PTPRD: variants seen among roughly 807,000 people sequenced by gnomAD.
The protein encoded by PTPRD is protein tyrosine phosphatase receptor type D.
Under a neutral mutation model 214.5 loss-of-function variants are expected in PTPRD, and 34 were observed. That is an observed-to-expected ratio of 0.16 (90% CI 0.12 to 0.21). PTPRD has a LOEUF of 0.21. PTPRD is among the 10% of genes least tolerant of loss of function. The probability of loss-of-function intolerance (pLI) is 1.00; values close to 1 mark genes in which losing one functional copy is unlikely to be tolerated. For synonymous variants in PTPRD, 1,128 were observed against 845.7 expected, an observed-to-expected ratio of 1.33 and a Z score of -5.79; for missense variants, 2,545 against 2,398.7, an observed-to-expected ratio of 1.06 and a Z score of -1.27.
At chr9:10,489,456 C>A (rs1439263465) in intron 2 of PTPRD, among the ~76,000 whole-genome samples, 1 of 152,174 alleles carries the variant, frequency 6.6e-6, no homozygotes, top group Non-Finnish European at 1.5e-5. Flanking sequence ...AATCCCTTAG[C>A]TGACCTAACT....
chr9:10,239,609 T>C (rs1425602316), intron 3 of PTPRD, among the ~76,000 whole-genome samples: 1 of 86,122 alleles, frequency 1.2e-5, no homozygotes, highest in East Asian at 4.0e-4. Flanking sequence ...ACAGCTGTGA[T>C]AGCAGAATAA....
At chr9:10,261,610 T>C (rs2093704865) in intron 3 of PTPRD, among the ~76,000 whole-genome samples, 1 of 152,130 alleles carries the variant, frequency 6.6e-6, no homozygotes. Flanking sequence ...AAGACTGTAC[T>C]AGTATATTTA....
chr9:8,499,872 T>C (rs774143831), intron 24 of PTPRD, 32 bp from the exon 25 acceptor site: 1 of 1,570,726 alleles, frequency 6.4e-7, no homozygotes. Context: ...AAAGAAATTA[T>C]AGGCACTTGT....
At chr9:8,792,151 G>T (rs1046428078) in intron 11 of PTPRD, among the ~76,000 whole-genome samples, 4 of 151,564 alleles carry the variant, frequency 2.6e-5, no homozygotes, top group African/African-American at 9.7e-5. Context: ...AGGGTAGATT[G>T]AGGGGATAAT....
At chr9:10,359,052 T>C (rs1189599910) in intron 2 of PTPRD, among the ~76,000 whole-genome samples, 1 of 152,036 alleles carries the variant, frequency 6.6e-6, no homozygotes, top group Non-Finnish European at 1.5e-5. Context: ...ATATTACAAG[T>C]CTAATACCTA....
chr9:8,866,377 C>G (rs1044172421), intron 11 of PTPRD, among the ~76,000 whole-genome samples: 1 of 152,118 alleles, frequency 6.6e-6, no homozygotes. Flanking sequence ...AGTATCTCTA[C>G]TGTTCTCTGG....
At chr9:9,709,764 C>G (rs1480872161) in intron 7 of PTPRD, among the ~76,000 whole-genome samples, 1 of 151,968 alleles carries the variant, frequency 6.6e-6, no homozygotes. Context: ...GACCTAAGTA[C>G]TGTAATCACC....
At chr9:10,416,772 G>A (rs1769782731) in intron 2 of PTPRD, among the ~76,000 whole-genome samples, 1 of 151,784 alleles carries the variant, frequency 6.6e-6, no homozygotes, top group Non-Finnish European at 1.5e-5. Flanking sequence ...AAGTTTGGGG[G>A]ACTGGCTGAA....
intron 10 of PTPRD, among the ~76,000 whole-genome samples, chr9:9,163,138 A>C (rs1215727663): frequency 3.9e-5 from 6 of 152,098 alleles, no homozygotes; most frequent in African/African-American, 1.4e-4. Context: ...TTATTAAATG[A>C]ATCCAAGAAA....
At chr9:9,082,538 G>A (rs1172355543) in intron 10 of PTPRD, among the ~76,000 whole-genome samples, 1 of 152,132 alleles carries the variant, frequency 6.6e-6, no homozygotes, top group Non-Finnish European at 1.5e-5. Context: ...CCTGGTATTG[G>A]AAGTTCCGGC....
intron 14 of PTPRD, among the ~76,000 whole-genome samples, chr9:8,576,032 G>A (rs1352103855): frequency 6.6e-6 from 1 of 152,170 alleles, no homozygotes; most frequent in Non-Finnish European, 1.5e-5. Flanking sequence ...CCCACATGTT[G>A]TAATGGATGA....
chr9:9,375,771 G>A (rs2060615657), intron 9 of PTPRD, among the ~76,000 whole-genome samples: 1 of 152,078 alleles, frequency 6.6e-6, no homozygotes, highest in Admixed American at 6.6e-5. Context: ...ACATAAAGTA[G>A]GATGATGGTT....
chr9:8,323,036 G>A (rs919646629), intron 44 of PTPRD, among the ~76,000 whole-genome samples: 11 of 152,220 alleles, frequency 7.2e-5, no homozygotes, highest in African/African-American at 2.2e-4. Flanking sequence ...AGGAAGGCAC[G>A]TTGAACATCA....
chr9:8,493,342 C>G (rs931971669), intron 26 of PTPRD, among the ~76,000 whole-genome samples: 2 of 152,102 alleles, frequency 1.3e-5, no homozygotes, highest in Non-Finnish European at 2.9e-5. Flanking sequence ...ATAATAGGAC[C>G]CCATAGGATT....
intron 2 of PTPRD, among the ~76,000 whole-genome samples, chr9:10,354,182 T>A (rs1397510033): frequency 6.6e-6 from 1 of 152,122 alleles, no homozygotes; most frequent in Non-Finnish European, 1.5e-5. Context: ...TAGATAACAT[T>A]GTCCAGCATA....
chr9:10,329,862 C>T (rs184090146), intron 3 of PTPRD, among the ~76,000 whole-genome samples: 1 of 151,724 alleles, frequency 6.6e-6, no homozygotes, highest in South Asian at 2.1e-4. Context: ...CATTTTGATG[C>T]GCATGGCATA....
chr9:8,448,416 G>C (rs75533570), intron 34 of PTPRD, among the ~76,000 whole-genome samples: 1 of 151,996 alleles, frequency 6.6e-6, no homozygotes, highest in Non-Finnish European at 1.5e-5. Context: ...TTCAAAAAGC[G>C]CTGACCCAAT....
intron 2 of PTPRD, among the ~76,000 whole-genome samples, chr9:10,482,352 C>G (rs902486684): frequency 5.3e-5 from 8 of 151,752 alleles, no homozygotes; most frequent in Non-Finnish European, 7.4e-5. Flanking sequence ...GCCTGGGCGA[C>G]AGAGCAAGAC....
intron 8 of PTPRD, among the ~76,000 whole-genome samples, chr9:9,508,085 C>A (rs1472102132): frequency 6.6e-6 from 1 of 151,602 alleles, no homozygotes; most frequent in Non-Finnish European, 1.5e-5. Context: ...GAAATGTCAG[C>A]AAGTTCATAC....
Sources: gnomAD v4.1 joint callset for allele counts (sites outside exome capture counted in the v4.1 genomes callset) on GRCh38, gnomAD v4.1.1 for gene constraint, MANE v1.5 for transcripts, NCBI Gene and HGNC (gene_info 2026-07-23, HGNC 2026-07-21) for gene names.